FAM168A: variants seen among roughly 807,000 people sequenced by gnomAD.
FAM168A encodes family with sequence similarity 168 member A.
A neutral mutation model predicts 28.5 loss-of-function variants in FAM168A; 3 were observed. The observed-to-expected ratio is 0.11, with a 90% CI of 0.05 to 0.27. The LOEUF (loss-of-function observed/expected upper bound fraction) is 0.27, where lower values mean the gene tolerates loss of function less well. FAM168A is among the 10% of genes least tolerant of loss of function. The pLI, the probability that FAM168A is intolerant of heterozygous loss-of-function variation, is 1.00. For missense variants in FAM168A, 222 were observed against 311.5 expected (o/e 0.71, Z 2.16); for synonymous variants, 122 against 124.2 (o/e 0.98, Z 0.12).
intron 1 of FAM168A, among the ~76,000 whole-genome samples, chr11:73,494,976 A>C (rs2134613678): frequency 1.3e-5 from 2 of 151,752 alleles, no homozygotes; most frequent in East Asian, 3.9e-4. Flanking sequence ...AATGAACTCC[A>C]GCCTGGGTGA....
intron 2 of FAM168A, among the ~76,000 whole-genome samples, chr11:73,457,682 C>T (rs1314805917): frequency 8.5e-6 from 1 of 117,878 alleles, no homozygotes; most frequent in Non-Finnish European, 1.6e-5. Context: ...CTGGAGGCTG[C>T]AGTGAGCTAT....
At chr11:73,448,418 G>A (rs1867363701) in intron 2 of FAM168A, among the ~76,000 whole-genome samples, 2 of 152,204 alleles carry the variant, frequency 1.3e-5, no homozygotes, top group Non-Finnish European at 2.9e-5. Context: ...TCATGAGGTA[G>A]GTCCTACCAT....
intron 1 of FAM168A, among the ~76,000 whole-genome samples, chr11:73,522,203 C>CAAAA (rs5792619): frequency 2.1e-5 from 3 of 144,524 alleles, no homozygotes; most frequent in African/African-American, 7.6e-5. Context: ...TCTAGTCCAC[C>CAAAA]AAAAAAAAAA....
chr11:73,489,222 C>T (rs532699287), intron 1 of FAM168A, among the ~76,000 whole-genome samples: 3 of 152,068 alleles, frequency 2.0e-5, no homozygotes, highest in African/African-American at 7.2e-5. Flanking sequence ...TAGCAAAATT[C>T]CTATAAAGAG....
chr11:73,453,666 C>T (rs1412635635), intron 2 of FAM168A, among the ~76,000 whole-genome samples: 2 of 152,130 alleles, frequency 1.3e-5, no homozygotes, highest in Admixed American at 1.3e-4. Context: ...AAACTGAGGC[C>T]ATTGGAAGTA....
chr11:73,482,610 C>T (rs530027539), intron 1 of FAM168A, among the ~76,000 whole-genome samples: 25 of 151,808 alleles, frequency 1.6e-4, no homozygotes, highest in African/African-American at 4.8e-4. Context: ...CTATGAGGCC[C>T]ACTAGATTAT....
chr11:73,411,692 A>G (rs1309846178), intron 4 of FAM168A, among the ~76,000 whole-genome samples, 156 bp from the exon 5 acceptor site: 2 of 152,192 alleles, frequency 1.3e-5, no homozygotes, highest in African/African-American at 2.4e-5. Context: ...CCACCCAGAA[A>G]GCCCTGGCCC....
At chr11:73,407,460 G>A (rs1866526831) in intron 7 of FAM168A, 53 bp downstream of exon 7, 2 of 1,296,924 alleles carry the variant, frequency 1.5e-6, no homozygotes, top group Non-Finnish European at 2.1e-6. Context: ...GGGACTTTGA[G>A]GCAGTTCCTG....
chr11:73,484,720 ATAGATATATATC>A (rs955675711), intron 1 of FAM168A, among the ~76,000 whole-genome samples: 7 of 141,236 alleles, frequency 5.0e-5, no homozygotes, highest in African/African-American at 1.9e-4. Flanking sequence ...AGATATATAT[ATAGATATATATC>A]GATATATAGA....
Position 73,597,949 on chromosome 11 carries a change from C to T in FAM168A, c.-45G>A. The stretch of plus-strand genomic sequence containing the variant: ...GGTGAGCAGCTGCAGGCGAAAACGG[C>T]GGCGGCGGCGGCTGAGGCGGCGATG... On this transcript the variant is annotated 5_prime_UTR_variant, in exon 1 of 8. Transcript: ENST00000356467. 1 of 156,320 alleles carries T rather than the reference C, an allele frequency of 6.4e-6. No individual in the cohort carries two copies. The highest frequency in any genetic ancestry group is 1.4e-5 in the Non-Finnish European group (1 of 71,056). 9.7% of individuals were successfully genotyped at this position (156,320 alleles called of 1,614,324 possible). A position where few individuals can be genotyped will look rare whatever the true frequency, so the allele number is the denominator to read the frequency against.
intron 1 of FAM168A, among the ~76,000 whole-genome samples, chr11:73,587,455 G>A (rs917413517): frequency 6.6e-6 from 1 of 150,782 alleles, no homozygotes; most frequent in Non-Finnish European, 1.5e-5. Context: ...TCGCACCACT[G>A]CACTCCAGCT....
intron 2 of FAM168A, among the ~76,000 whole-genome samples, chr11:73,461,648 A>G (rs1397590678): frequency 6.6e-6 from 1 of 152,238 alleles, no homozygotes; most frequent in Non-Finnish European, 1.5e-5. Context: ...AGAAGTTTGG[A>G]CTTTATCCAA....
At chr11:73,415,137 T>C (rs1866675263) in intron 4 of FAM168A, among the ~76,000 whole-genome samples, 1 of 152,222 alleles carries the variant, frequency 6.6e-6, no homozygotes, top group African/African-American at 2.4e-5. Flanking sequence ...TTTCTTCATG[T>C]TATGAAATGA....
At chr11:73,566,929 C>T (rs180829261) in intron 1 of FAM168A, among the ~76,000 whole-genome samples, 1 of 152,212 alleles carries the variant, frequency 6.6e-6, no homozygotes, top group African/African-American at 2.4e-5. Flanking sequence ...AAAATAAGGC[C>T]ATGTTTGCCA....
In FAM168A at chr11:73,433,664, A is replaced by G. The variant is rs189992717; in HGVS notation, c.71-2894T>C. 1.2e-3 allele frequency among the ~76,000 whole-genome samples: 176 copies of G among 152,202 alleles called. 1 individual carries two copies. The highest frequency in any genetic ancestry group is 4.0e-3 in the African/African-American group (168 of 41,538). On this transcript the variant is annotated intron_variant, in intron 2 of 7. Transcript: ENST00000356467. Reference sequence around the variant, plus strand: ...CATATTCTTCAAAAGGCTTATTTTAATATCTTTATGATATTCCGTATGTAG... The same window carrying G: ...CATATTCTTCAAAAGGCTTATTTTAGTATCTTTATGATATTCCGTATGTAG...
chr11:73,595,068 C>T (rs1944428710), intron 1 of FAM168A, among the ~76,000 whole-genome samples: 1 of 152,110 alleles, frequency 6.6e-6, no homozygotes, highest in African/African-American at 2.4e-5. Flanking sequence ...AAAAAATCCA[C>T]CAACACATTT....
At chr11:73,426,652 A>G (rs900388688) in intron 3 of FAM168A, among the ~76,000 whole-genome samples, 4 of 151,568 alleles carry the variant, frequency 2.6e-5, no homozygotes, top group African/African-American at 9.7e-5. Context: ...GCATTCCAAA[A>G]TATGCTGTGT....
chr11:73,566,420 A>G (rs985281227), intron 1 of FAM168A, among the ~76,000 whole-genome samples: 2 of 152,222 alleles, frequency 1.3e-5, no homozygotes, highest in African/African-American at 4.8e-5. Flanking sequence ...TCCAGCATTT[A>G]CTTATTTTGC....
At chr11:73,597,615 T>TC (rs1218843301) in intron 1 of FAM168A, among the ~76,000 whole-genome samples, 1 of 149,870 alleles carries the variant, frequency 6.7e-6, no homozygotes, top group Non-Finnish European at 1.5e-5. Context: ...ATCTTCCACC[T>TC]CGCCCCAAGA....
Sources: gnomAD v4.1 joint callset for allele counts (sites outside exome capture counted in the v4.1 genomes callset) on GRCh38, gnomAD v4.1.1 for gene constraint, MANE v1.5 for transcripts, NCBI Gene and HGNC (gene_info 2026-07-23, HGNC 2026-07-21) for gene names.